The following DSCAML1 variants were observed in gnomAD, a reference collection of about 807,000 sequenced individuals.
The protein encoded by DSCAML1 is DS cell adhesion molecule like 1, also known as cell adhesion molecule DSCAML1.
A neutral mutation model predicts 200.5 loss-of-function variants in DSCAML1; 38 were observed. The ratio of observed to expected loss-of-function variants is 0.19; its 90% CI spans 0.15 to 0.25. The LOEUF is 0.25. Among genes scored for constraint, DSCAML1 ranks in the 10% least tolerant of loss-of-function variants. The probability of loss-of-function intolerance (pLI) is 1.00; values close to 1 mark genes in which losing one functional copy is unlikely to be tolerated. For missense variants in DSCAML1, 2,223 were observed against 2,858.8 expected (o/e 0.78, Z 5.07); for synonymous variants, 1,215 against 1,165.0 (o/e 1.04, Z -0.87).
chr11:117,443,951 G>A lies in DSCAML1; in HGVS notation c.3797C>T (p.Ala1266Val), dbSNP rs1478415029. The A allele has an allele frequency of 1.9e-6, 3 of 1,613,328 alleles. No individual in the cohort carries two copies. Among genetic ancestry groups the A allele is most frequent in the Non-Finnish European group, 1.7e-6 (2 of 1,179,858 alleles). Residue 1266 changes from alanine to valine, a missense_variant, in exon 21 of 33, where the codon GCC (alanine) becomes GTC (valine). By Grantham distance (64) the Ala-to-Val change is moderately conservative (BLOSUM62 0). This residue lies in a region of DSCAML1 where 614 missense variants were observed against 739.1 expected (regional missense o/e 0.83). Coordinates refer to ENST00000651296, the MANE Select transcript of DSCAML1 (RefSeq NM_020693.4). ...NRGQQYLLWV[A>V]AVTSAGRGNS... ...GCCCCGGCCGGCAGAGGTGACGGCG[G>A]CCACCCACAGCAGATACTGCTGACC...
chr11:117,770,131 T>A (rs906327006), intron 3 of DSCAML1, among the ~76,000 whole-genome samples: 1 of 152,192 alleles, frequency 6.6e-6, no homozygotes, highest in Non-Finnish European at 1.5e-5. Flanking sequence ...TGTGTGGCCA[T>A]CAGCAGAAAG....
In DSCAML1 at chr11:117,481,244, A is replaced by C. The variant is rs769040302; in HGVS notation, c.2586T>G (p.Ser862=). 8 of 1,613,868 alleles carry C rather than the reference A, an allele frequency of 5.0e-6. No homozygotes were observed. The South Asian group carries it at 8.8e-5, about 18-fold the overall frequency. Residue 862 remains serine (S), a synonymous_variant, in exon 13 of 33, where the codon TCT becomes TCG. Coordinates refer to ENST00000651296, the MANE Select transcript of DSCAML1 (RefSeq NM_020693.4). The part of the protein sequence containing the change: ...LKLKPADRGD[S]VFFSCHAINS... ...TGATGGCATGGCAGCTGAAGAACACAGAGTCCCCACGGTCAGCGGGCTTGA... is the reference window on the plus strand; with the variant it reads ...TGATGGCATGGCAGCTGAAGAACACCGAGTCCCCACGGTCAGCGGGCTTGA...
At chr11:117,603,987 T>C (rs2051515801) in intron 3 of DSCAML1, among the ~76,000 whole-genome samples, 1 of 152,242 alleles carries the variant, frequency 6.6e-6, no homozygotes, top group Non-Finnish European at 1.5e-5. Context: ...GGAGCTCAGC[T>C]GGGCAGACGA....
chr11:117,570,599 G>A (rs2050832232), intron 3 of DSCAML1, among the ~76,000 whole-genome samples: 1 of 152,204 alleles, frequency 6.6e-6, no homozygotes, highest in South Asian at 2.1e-4. Context: ...TGACTGAGCA[G>A]TTTAAGGTGA....
intron 8 of DSCAML1, among the ~76,000 whole-genome samples, chr11:117,506,413 T>C (rs1286428242): frequency 6.6e-6 from 1 of 152,132 alleles, no homozygotes; most frequent in East Asian, 1.9e-4. Flanking sequence ...TGCCCTAGGT[T>C]GCCCAGTTCA....
chr11:117,488,361 T>C (rs2049118459), intron 11 of DSCAML1, among the ~76,000 whole-genome samples: 1 of 152,244 alleles, frequency 6.6e-6, no homozygotes, highest in Non-Finnish European at 1.5e-5. Flanking sequence ...CTTCTTGCTC[T>C]GGACTACAAG....
chr11:117,453,989 G>T (rs1358071725), intron 19 of DSCAML1, among the ~76,000 whole-genome samples: 3 of 151,998 alleles, frequency 2.0e-5, no homozygotes. Context: ...TGATCGACCC[G>T]CCTCAGCCTC....
chr11:117,506,667 C>A (rs2049505588), intron 8 of DSCAML1, among the ~76,000 whole-genome samples: 1 of 151,328 alleles, frequency 6.6e-6, no homozygotes, highest in Non-Finnish European at 1.5e-5. Context: ...CCCATCTCAG[C>A]CTCCCAAGTA....
chr11:117,437,991 T>C lies in DSCAML1; in HGVS notation c.4336A>G (p.Lys1446Glu), dbSNP rs150068560. ...SERSFKLDSL[K>E]CGTWYKVKLA... Reference sequence around the variant, plus strand: ...TTCACCTTGTACCACGTGCCACACTTGAGGCTGTCCAGCTTGAAGGAGCGC... The same window carrying C: ...TTCACCTTGTACCACGTGCCACACTCGAGGCTGTCCAGCTTGAAGGAGCGC... Residue 1446 changes from lysine to glutamate, a missense_variant, in exon 25 of 33, where the codon AAG becomes GAG. This residue lies in a region of DSCAML1 where 614 missense variants were observed against 739.1 expected (regional missense o/e 0.83). Transcript: ENST00000651296. This position sits in a 1 kb window ranked among gnomAD's most constrained non-coding sequence, Gnocchi z 5.3. 911 of 1,614,124 alleles carry C rather than the reference T, an allele frequency of 5.6e-4. No homozygotes were observed. The African/African-American group carries it at 0.011, about 19-fold the overall frequency.
chr11:117,450,535 C>G lies in DSCAML1; in HGVS notation c.3708+14G>C. Reference sequence around the variant, plus strand: ...CTTCCATCCCCTTCATCATCTGGCCCTGAACTCACTTACCGGCTGGCCAGA... The same window carrying G: ...CTTCCATCCCCTTCATCATCTGGCCGTGAACTCACTTACCGGCTGGCCAGA... On this transcript the variant is annotated intron_variant, in intron 20 of 32. Transcript: ENST00000651296. 1 of 1,613,278 alleles carries G rather than the reference C, an allele frequency of 6.2e-7. No homozygotes were observed.
chr11:117,578,516 A>T (rs775809034), intron 3 of DSCAML1, among the ~76,000 whole-genome samples: 6 of 151,986 alleles, frequency 3.9e-5, no homozygotes, highest in East Asian at 1.9e-4. Context: ...AAAAATTTTT[A>T]AAAATTAGCC....
chr11:117,553,900 T>C (rs780662268), intron 3 of DSCAML1, among the ~76,000 whole-genome samples: 10 of 152,224 alleles, frequency 6.6e-5, no homozygotes, highest in Non-Finnish European at 1.0e-4. Flanking sequence ...TGGAAGCAAC[T>C]CAAATGTCCA....
intron 3 of DSCAML1, among the ~76,000 whole-genome samples, chr11:117,651,446 C>T (rs2052629912): frequency 6.6e-6 from 1 of 152,072 alleles, no homozygotes; most frequent in African/African-American, 2.4e-5. Context: ...TGGCTCACGC[C>T]TGTAATCCCA....
intron 3 of DSCAML1, among the ~76,000 whole-genome samples, chr11:117,718,504 C>G (rs1320796433): frequency 6.6e-6 from 1 of 152,160 alleles, no homozygotes; most frequent in Admixed American, 6.5e-5. Flanking sequence ...GGCTGTGCAG[C>G]AGTAGACAAT....
chr11:117,716,638 T>C (rs12291995), intron 3 of DSCAML1, among the ~76,000 whole-genome samples: 12,333 of 152,160 alleles, frequency 0.081, 868 homozygotes, highest in African/African-American at 0.18. Context: ...AGAGTAAGAA[T>C]CCAGATCCAG....
chr11:117,514,813 C>T (rs1276241602), intron 8 of DSCAML1, among the ~76,000 whole-genome samples: 1 of 152,148 alleles, frequency 6.6e-6, no homozygotes, highest in African/African-American at 2.4e-5. Context: ...AACTCCTGAC[C>T]TCAGGTGATC....
At chr11:117,569,403 C>G (rs2050809625) in intron 3 of DSCAML1, among the ~76,000 whole-genome samples, 2 of 152,168 alleles carry the variant, frequency 1.3e-5, no homozygotes, top group African/African-American at 4.8e-5. Context: ...TTCTGCACAG[C>G]CTTGTTTTTG....
At chr11:117,624,579 C>G (rs2052004559) in intron 3 of DSCAML1, among the ~76,000 whole-genome samples, 1 of 152,002 alleles carries the variant, frequency 6.6e-6, no homozygotes, top group Non-Finnish European at 1.5e-5. Context: ...TTATGATAGG[C>G]ACTCACATGC....
intron 3 of DSCAML1, among the ~76,000 whole-genome samples, chr11:117,589,186 A>G (rs2051209102): frequency 6.6e-6 from 1 of 152,100 alleles, no homozygotes. Flanking sequence ...AGAGAAGCAG[A>G]TGACAGACAT....
Sources: allele counts gnomAD v4.1 joint callset (sites outside exome capture counted in the v4.1 genomes callset), GRCh38; gene constraint gnomAD v4.1.1; regional missense constraint gnomAD v4.1.1; non-coding constraint Gnocchi (gnomAD v3.1); transcripts MANE v1.5; gene names NCBI Gene and HGNC (gene_info 2026-07-23, HGNC 2026-07-21).